The following STAB1 variants were observed in gnomAD, a reference collection of about 807,000 sequenced individuals.
The protein encoded by STAB1 is stabilin-1.
STAB1 carries 250 observed loss-of-function variants against 332.4 expected under a neutral mutation model. That is an observed-to-expected ratio of 0.75 (90% CI 0.68 to 0.84). STAB1 has a LOEUF of 0.84. STAB1 is among the 40% of genes least tolerant of loss of function. The pLI, the probability that STAB1 is intolerant of heterozygous loss-of-function variation, is 0.00. For synonymous variants in STAB1, 1,475 were observed against 1,390.4 expected (o/e 1.06, Z -1.35); for missense variants, 3,249 against 3,489.7 (o/e 0.93, Z 1.74).
intron 1 of STAB1, among the ~76,000 whole-genome samples, chr3:52,498,333 C>A (rs1039499770): frequency 2.0e-5 from 3 of 152,240 alleles, no homozygotes; most frequent in Admixed American, 6.5e-5. Flanking sequence ...AGGAGGGAAT[C>A]TGACTCAGCA....
At chr3:52,504,700 G>GC (rs763346490) in intron 11 of STAB1, 39 bp from the exon 12 acceptor site, 4 of 1,613,336 alleles carry the variant, frequency 2.5e-6, no homozygotes, top group East Asian at 4.5e-5. Context: ...AAGAGGACTG[G>GC]CCCCCCGGCT....
At chr3:52,520,169 C>T (rs1440561217) in intron 51 of STAB1, 35 bp from the exon 52 acceptor site, 3 of 1,613,082 alleles carry the variant, frequency 1.9e-6, no homozygotes, top group South Asian at 2.2e-5. Context: ...GCTCAGCCTG[C>T]CTTTCCACCT....
At position 52,501,745 on chromosome 3, in the gene STAB1, G is replaced by A. The variant is rs1341178979; in HGVS notation, c.323G>A (p.Arg108Gln). ...TGCTGCCCTGGCTACTGGGGTTCCC[G>A]GTGCCATGGTATGGGAGAAAGGGGG... ...KACCPGYWGS[R>Q]CHECPGGAET... Residue 108 changes from arginine (R) to glutamine (Q), a missense_variant, in exon 3 of 69, where the codon CGG becomes CAG. Coordinates refer to ENST00000321725, the MANE Select transcript of STAB1 (RefSeq NM_015136.3). 2 of 1,560,926 alleles carry A rather than the reference G, an allele frequency of 1.3e-6. No individual in the cohort carries two copies. Among genetic ancestry groups the A allele is most frequent in the Non-Finnish European group, 1.7e-6 (2 of 1,153,274 alleles).
chr3:52,514,388 T>C lies in STAB1; in HGVS notation c.3570T>C (p.His1190=), dbSNP rs772071644. 9 of 1,549,600 alleles carry C rather than the reference T, an allele frequency of 5.8e-6. No homozygotes were observed. In the African/African-American group the frequency reaches 9.6e-5, roughly 16 times the overall value. Residue 1190 remains histidine (H), a synonymous_variant, in exon 34 of 69, where the codon CAT becomes CAC. Coordinates refer to ENST00000321725, the MANE Select transcript of STAB1 (RefSeq NM_015136.3). The part of the protein sequence containing the change: ...SHLDADTVRH[H]VVLGEALSME... Reference sequence around the variant, plus strand: ...AGGACGCAGACACAGTGCGGCACCATGTGGTCCTGGGGGAGGCCCTCTCCA... The same window carrying C: ...AGGACGCAGACACAGTGCGGCACCACGTGGTCCTGGGGGAGGCCCTCTCCA...
rs201817057 is a variant in STAB1, at chr3:52,505,327, C to G, written c.1527C>G (p.Ile509Met). 2 of 1,613,682 alleles carry G rather than the reference C, an allele frequency of 1.2e-6. No individual in the cohort carries two copies. Among genetic ancestry groups the G allele is most frequent in the East Asian group, 2.2e-5 (1 of 44,882 alleles). The stretch of plus-strand genomic sequence containing the variant: ...CTCATCCCTCCTTACAGAGAACTAT[C>G]GGACAGATCCTCGCCTCTACCGAGG... ...SGTPGDPKRT[I>M]GQILASTEAF... The change falls in exon 14 of 69, where the codon ATC becomes ATG. Residue 509 changes from isoleucine (I) to methionine (M), a missense_variant. Physicochemically the swap from Ile to Met is conservative, Grantham distance 10. Coordinates refer to ENST00000321725, the MANE Select transcript of STAB1 (RefSeq NM_015136.3).
chr3:52,503,866 C>G lies in STAB1; in HGVS notation c.986C>G (p.Ser329Cys), dbSNP rs376572034. 1 of 1,613,238 alleles carries G rather than the reference C, an allele frequency of 6.2e-7. No homozygotes were observed. The highest frequency in any genetic ancestry group is 8.5e-7 in the Non-Finnish European group (1 of 1,180,024). ...AFCSPFSCDR[S>C]ATCQVTADGK... Reference sequence around the variant, plus strand: ...TGCTCCCCCTTCTCCTGCGACCGGTCTGCCACTTGCCAGGTGACCGCTGAT... The same window carrying G: ...TGCTCCCCCTTCTCCTGCGACCGGTGTGCCACTTGCCAGGTGACCGCTGAT... The change falls in exon 9 of 69, where the codon TCT becomes TGT. Residue 329 changes from serine (S) to cysteine (C), a missense_variant. Coordinates refer to ENST00000321725, the MANE Select transcript of STAB1 (RefSeq NM_015136.3).
rs759099222 is a variant in STAB1, at chr3:52,512,421, T to C, written c.2964T>C (p.Tyr988=). 1.2e-6 allele frequency: 2 copies of C among 1,610,458 alleles called. No individual in the cohort carries two copies. Among genetic ancestry groups the C allele is most frequent in the Non-Finnish European group, 1.7e-6 (2 of 1,178,590 alleles). Residue 988 remains tyrosine (Y), a synonymous_variant, in exon 27 of 69, where the codon TAT becomes TAC. Transcript: ENST00000321725. The part of the protein sequence containing the change: ...PGFGGDGFSC[Y]GDIFRELEAN... ...TTGGGGGTGATGGCTTCAGCTGTTA[T>C]GGAGACATCTTCCGGGTAAGGGGTG...
Position 52,511,706 on chromosome 3 carries a change from C to T in STAB1, c.2844C>T (p.Ile948=), listed in dbSNP as rs759779948. The stretch of plus-strand genomic sequence containing the variant: ...GGGATGGCTACCAGTGCAGCCCCAT[C>T]GACCCCTGCCGGGCAGGCAATGGCG... The part of the protein sequence containing the change: ...FAGDGYQCSP[I]DPCRAGNGGC... Residue 948 remains isoleucine, a synonymous_variant, in exon 26 of 69, where the codon ATC becomes ATT. Transcript: ENST00000321725. 1.1e-5 allele frequency: 17 copies of T among 1,607,442 alleles called. No individual in the cohort carries two copies. The highest frequency in any genetic ancestry group is 4.4e-5 in the South Asian group (4 of 90,280).
chr3:52,515,258 CTGTCCGCCCTCTCCCATCAGTCTGCCTGT>C (rs1301175664), intron 36 of STAB1, among the ~76,000 whole-genome samples, 136 bp from the exon 37 acceptor site: 2 of 152,188 alleles, frequency 1.3e-5, no homozygotes, highest in Non-Finnish European at 2.9e-5. Flanking sequence ...GGCTTGGATC[CTGTCCGCCCTCTCCCATCAGTCTGCCTGT>C]CTTGGTCCCT....
In STAB1 at chr3:52,510,418, C is replaced by T. The variant is rs778602941; in HGVS notation, c.2698C>T (p.Arg900Cys). Residue 900 changes from arginine to cysteine, a missense_variant, in exon 25 of 69, where the codon CGC becomes TGC. Arg to Cys is a radical substitution (Grantham distance 180). Transcript: ENST00000321725. ...CCACAAAGGCTGGAGTGGGGATGGC[C>T]GCGTCTGTGTGGCTATTGACGAGTG... ...TCHKGWSGDG[R>C]VCVAIDECEL... 14 of 1,613,780 alleles carry T rather than the reference C, an allele frequency of 8.7e-6. No individual in the cohort carries two copies. The highest frequency in any genetic ancestry group is 1.3e-5 in the African/African-American group (1 of 74,904).
chr3:52,502,133 C>A, intron 4 of STAB1, 26 bp from the exon 5 acceptor site: 1 of 1,613,574 alleles, frequency 6.2e-7, no homozygotes, highest in Non-Finnish European at 8.5e-7. Flanking sequence ...AGAGGGGCCA[C>A]GCTGACTTGG....
rs760898277 is a variant in STAB1 at position 52,504,135 on chromosome 3, G to C, written c.1130G>C (p.Arg377Thr). 1 of 1,588,910 alleles carries C rather than the reference G, an allele frequency of 6.3e-7. No individual in the cohort carries two copies. Among genetic ancestry groups the C allele is most frequent in the Non-Finnish European group, 8.6e-7 (1 of 1,169,498 alleles). Residue 377 changes from arginine to threonine, a missense_variant, in exon 10 of 69, where the codon AGG becomes ACG. Transcript: ENST00000321725. Reference protein sequence around the residue: ...TQTGRVFLQLRVAVAMMDQGC... With the variant: ...TQTGRVFLQLTVAVAMMDQGC... Reference sequence around the variant, plus strand: ...ACAGGCCGGGTGTTCCTGCAGCTGAGGGTCGCCGTGGCCATGATGGGTGCG... The same window carrying C: ...ACAGGCCGGGTGTTCCTGCAGCTGACGGTCGCCGTGGCCATGATGGGTGCG...
rs1559732411 is a variant in STAB1, at chr3:52,524,456, C to CA, written c.*102dup. On this transcript the variant is annotated 3_prime_UTR_variant, in exon 69 of 69. Coordinates refer to ENST00000321725, the MANE Select transcript of STAB1 (RefSeq NM_015136.3). ...GGAGGGGCTGAGGGCCTGTCCCAGACAATAAAGGTGCCCTCAGCGGATGTG... is the reference window on the plus strand; with the variant it reads ...GGAGGGGCTGAGGGCCTGTCCCAGACAAATAAAGGTGCCCTCAGCGGATGTG... 1 of 1,612,670 alleles carries CA rather than the reference C, an allele frequency of 6.2e-7. No homozygotes were observed. The highest frequency in any genetic ancestry group is 8.5e-7 in the Non-Finnish European group (1 of 1,179,890).
intron 20 of STAB1, 41 bp from the exon 21 acceptor site, chr3:52,508,232 T>C: frequency 6.3e-7 from 1 of 1,576,884 alleles, no homozygotes; most frequent in Non-Finnish European, 8.7e-7. Flanking sequence ...AGGGAGGGCA[T>C]GGACCCAGAT....
Position 52,507,975 on chromosome 3 carries a change from G to T in STAB1, c.2097G>T (p.Gly699=). ...GTGTCTACATCCATGACCCAACGGG[G>T]CTCAATGTGCTAAAGAAGGGCTGTG... ...KECVYIHDPT[G]LNVLKKGCAS... Residue 699 remains glycine (G), a synonymous_variant, in exon 20 of 69, where the codon GGG becomes GGT. Transcript: ENST00000321725. 2 of 1,613,698 alleles carry T rather than the reference G, an allele frequency of 1.2e-6. No individual in the cohort carries two copies. The highest frequency in any genetic ancestry group is 2.7e-5 in the African/African-American group (2 of 75,058).
intron 1 of STAB1, among the ~76,000 whole-genome samples, chr3:52,500,387 T>C (rs907941004): frequency 2.0e-5 from 3 of 152,372 alleles, no homozygotes; most frequent in African/African-American, 7.2e-5. Context: ...CATGGCCCGT[T>C]GTCTCCTGTG....
chr3:52,502,609 C>T (rs1553666137), intron 5 of STAB1, 23 bp from the exon 6 acceptor site: 2 of 1,598,442 alleles, frequency 1.3e-6, no homozygotes, highest in South Asian at 2.2e-5. Flanking sequence ...GGGGCCCCAT[C>T]TGTCTCTGTG....
chr3:52,513,094 C>G, intron 29 of STAB1, 36 bp from the exon 30 acceptor site: 2 of 1,554,378 alleles, frequency 1.3e-6, no homozygotes, highest in Non-Finnish European at 1.7e-6. Flanking sequence ...TTACACTAAC[C>G]TGATTCCATG....
chr3:52,506,085 G>A (rs1708839408), intron 16 of STAB1, 85 bp from the exon 17 acceptor site: 1 of 1,518,088 alleles, frequency 6.6e-7, no homozygotes, highest in African/African-American at 1.4e-5. Flanking sequence ...CCAAGGGGGT[G>A]GCTGTGAGCC....
Sources: allele counts gnomAD v4.1 joint callset (sites outside exome capture counted in the v4.1 genomes callset), GRCh38; gene constraint gnomAD v4.1.1; transcripts MANE v1.5; gene names NCBI Gene and HGNC (gene_info 2026-07-23, HGNC 2026-07-21).